NCAM2: variants seen among roughly 807,000 people sequenced by gnomAD.
NCAM2 encodes neural cell adhesion molecule 2.
A neutral mutation model predicts 98.1 loss-of-function variants in NCAM2; 30 were observed. That is an observed-to-expected ratio of 0.31 (90% CI 0.23 to 0.41). The LOEUF is 0.41. NCAM2 is among the 10% of genes least tolerant of loss of function. The pLI is 1.00. For synonymous variants in NCAM2, 368 were observed against 342.4 expected, an observed-to-expected ratio of 1.07 and a Z score of -0.83; for missense variants, 867 against 1,005.8, an observed-to-expected ratio of 0.86 and a Z score of 1.87.
At chr21:21,459,423 C>T in intron 12 of NCAM2, among the ~76,000 whole-genome samples, 1 of 149,596 alleles carries the variant, frequency 6.7e-6, no homozygotes, top group Non-Finnish European at 1.5e-5. Context: ...TATATACACA[C>T]ACACACACAC....
chr21:21,288,903 A>G (rs1601875105), intron 4 of NCAM2, among the ~76,000 whole-genome samples: 1 of 151,958 alleles, frequency 6.6e-6, no homozygotes, highest in Admixed American at 6.6e-5. Flanking sequence ...GCAGATATTC[A>G]GAATTAAACT....
At chr21:21,473,444 A>C (rs1984739774) in intron 14 of NCAM2, among the ~76,000 whole-genome samples, 2 of 149,136 alleles carry the variant, frequency 1.3e-5, no homozygotes, top group African/African-American at 4.9e-5. Context: ...TGAGAGTAGC[A>C]AATGGAGTTT....
intron 1 of NCAM2, among the ~76,000 whole-genome samples, chr21:21,029,907 G>T (rs1402433903): frequency 6.6e-6 from 1 of 152,152 alleles, no homozygotes; most frequent in Non-Finnish European, 1.5e-5. Context: ...TGGGATTGTG[G>T]TGTGAGCCAC....
chr21:21,480,133 G>A (rs1255277148), intron 15 of NCAM2, among the ~76,000 whole-genome samples: 1 of 151,950 alleles, frequency 6.6e-6, no homozygotes, highest in Non-Finnish European at 1.5e-5. Flanking sequence ...TTGGGAGGCC[G>A]AGGCGGGCGG....
intron 15 of NCAM2, among the ~76,000 whole-genome samples, chr21:21,506,350 A>G (rs1229113762): frequency 6.6e-6 from 1 of 152,146 alleles, no homozygotes; most frequent in Non-Finnish European, 1.5e-5. Flanking sequence ...AACATGTTTC[A>G]TAGGTAAGTT....
In NCAM2 at chr21:21,528,069, TA is replaced by T. The variant is rs530786233; in HGVS notation, c.2283-6467del. Among the ~76,000 whole-genome samples, 56 of 152,326 alleles carry T rather than the reference TA, an allele frequency of 3.7e-4. No individual in the cohort carries two copies. The South Asian group carries it at 0.011, about 31-fold the overall frequency. On this transcript the variant is annotated intron_variant, in intron 16 of 17. Coordinates refer to ENST00000400546, the MANE Select transcript of NCAM2 (RefSeq NM_004540.5). ...ACATGGAGGAAACTTAGATGATTATTACTAAGTGAAATAAGCCAATTTTAAA... is the reference window on the plus strand; with the variant it reads ...ACATGGAGGAAACTTAGATGATTATTCTAAGTGAAATAAGCCAATTTTAAA...
chr21:21,350,068 G>T (rs995872308), intron 8 of NCAM2, among the ~76,000 whole-genome samples: 3 of 152,138 alleles, frequency 2.0e-5, no homozygotes, highest in African/African-American at 7.2e-5. Flanking sequence ...CTTAAAAAGT[G>T]TAATTGGATT....
chr21:21,208,510 C>T (rs1195566168), intron 1 of NCAM2, among the ~76,000 whole-genome samples: 2 of 151,960 alleles, frequency 1.3e-5, no homozygotes, highest in South Asian at 2.1e-4. Context: ...GTTAGGATGA[C>T]CTTGGGTAAA....
intron 1 of NCAM2, among the ~76,000 whole-genome samples, chr21:21,175,694 C>T (rs909660745): frequency 3.3e-5 from 5 of 152,108 alleles, no homozygotes; most frequent in African/African-American, 4.8e-5. Context: ...ATGAATCAGG[C>T]TGATTCTGTA....
chr21:21,506,498 C>G (rs1987987739), intron 15 of NCAM2, among the ~76,000 whole-genome samples: 1 of 151,958 alleles, frequency 6.6e-6, no homozygotes, highest in Non-Finnish European at 1.5e-5. Context: ...ATTTTTGTAG[C>G]ATGAGGCAAT....
intron 1 of NCAM2, among the ~76,000 whole-genome samples, chr21:21,267,898 A>T (rs1325404296): frequency 6.6e-6 from 1 of 152,104 alleles, no homozygotes; most frequent in Non-Finnish European, 1.5e-5. Context: ...TGGATATCTC[A>T]TAGATAGACT....
intron 15 of NCAM2, among the ~76,000 whole-genome samples, chr21:21,493,539 C>T (rs1252213015): frequency 6.6e-6 from 1 of 151,974 alleles, no homozygotes; most frequent in South Asian, 2.1e-4. Flanking sequence ...GATGAACCCA[C>T]AGTGGCACAT....
At chr21:21,301,609 C>A (rs1460999598) in intron 5 of NCAM2, among the ~76,000 whole-genome samples, 2 of 120,946 alleles carry the variant, frequency 1.7e-5, no homozygotes, top group Non-Finnish European at 3.3e-5. Context: ...TTGTTCAATT[C>A]CCACCTATGA....
At chr21:21,514,140 A>T (rs1988565720) in intron 16 of NCAM2, among the ~76,000 whole-genome samples, 1 of 150,714 alleles carries the variant, frequency 6.6e-6, no homozygotes, top group Admixed American at 6.6e-5. Context: ...TGGTATAATT[A>T]AATTTATATT....
chr21:21,488,997 T>A (rs1010957245), intron 15 of NCAM2, among the ~76,000 whole-genome samples: 12 of 152,092 alleles, frequency 7.9e-5, no homozygotes, highest in Non-Finnish European at 1.3e-4. Context: ...TTATTTATTT[T>A]TTTATTTTCT....
chr21:21,528,160 A>T (rs1438900430), intron 16 of NCAM2, among the ~76,000 whole-genome samples: 4 of 152,234 alleles, frequency 2.6e-5, no homozygotes, highest in Non-Finnish European at 5.9e-5. Context: ...AAAGCAAAAG[A>T]CACTAAAAAG....
At chr21:21,202,002 G>T (rs1365853135) in intron 1 of NCAM2, among the ~76,000 whole-genome samples, 1 of 152,160 alleles carries the variant, frequency 6.6e-6, no homozygotes, top group African/African-American at 2.4e-5. Flanking sequence ...CTATGCATCA[G>T]TGTCGCTTAA....
chr21:21,476,664 G>A (rs1380564595), intron 14 of NCAM2, among the ~76,000 whole-genome samples: 1 of 152,010 alleles, frequency 6.6e-6, no homozygotes, highest in Non-Finnish European at 1.5e-5. Flanking sequence ...GAAAAAGAAT[G>A]AGATAGTATT....
intron 1 of NCAM2, among the ~76,000 whole-genome samples, chr21:21,137,977 G>C (rs373675456): frequency 6.6e-6 from 1 of 152,028 alleles, no homozygotes; most frequent in East Asian, 1.9e-4. Context: ...CTTTGTAACG[G>C]TGTTTCATTA....
Sources: allele counts gnomAD v4.1 joint callset (sites outside exome capture counted in the v4.1 genomes callset), GRCh38; gene constraint gnomAD v4.1.1; transcripts MANE v1.5; gene names NCBI Gene and HGNC (gene_info 2026-07-23, HGNC 2026-07-21).